The following IRF2BPL variants were observed in gnomAD, a reference collection of about 807,000 sequenced individuals.
IRF2BPL encodes the protein interferon regulatory factor 2 binding protein like.
A neutral mutation model predicts 51.2 loss-of-function variants in IRF2BPL; 13 were observed. That is an observed-to-expected ratio of 0.25 (90% confidence interval 0.17 to 0.40). The LOEUF is 0.40. Ranked by LOEUF, IRF2BPL falls within the 10% of genes least tolerant of loss-of-function variation. The probability of loss-of-function intolerance (pLI) is 1.00; values close to 1 mark genes in which losing one functional copy is unlikely to be tolerated. For missense variants in IRF2BPL, 1,210 were observed against 1,111.8 expected, an observed-to-expected ratio of 1.09 and a Z score of -1.26; for synonymous variants, 768 against 509.2, an observed-to-expected ratio of 1.51 and a Z score of -6.84.
At position 77,025,551 on chromosome 14, in the gene IRF2BPL, T is replaced by G; in HGVS notation, c.2242A>C (p.Lys748Gln). The G allele has an allele frequency of 6.2e-7, 1 of 1,613,686 alleles. No individual in the cohort carries two copies. The highest frequency in any genetic ancestry group is 8.5e-7 in the Non-Finnish European group (1 of 1,179,796). The change falls in exon 1 of 1, where the codon AAG (lysine) becomes CAG (glutamine). Residue 748 changes from lysine to glutamine, a missense_variant. Lys to Gln is a moderately conservative substitution (Grantham distance 53, BLOSUM62 1). Coordinates refer to ENST00000238647, the MANE Select transcript of IRF2BPL (RefSeq NM_024496.4). ...ACCTCGCCGGTGGCCCCCTGGGCCTTGATACTCTCTCTAGAGCAAGGGAAG... is the reference window on the plus strand; with the variant it reads ...ACCTCGCCGGTGGCCCCCTGGGCCTGGATACTCTCTCTAGAGCAAGGGAAG... ...FCFPCSRESIKAQGATGEVYC... is the reference protein window; with the variant it reads ...FCFPCSRESIQAQGATGEVYC...
In IRF2BPL at chr14:77,025,900, T is replaced by C. The variant is rs773789095; in HGVS notation, c.1893A>G (p.Ala631=). The C allele has an allele frequency of 3.1e-6, 5 of 1,611,652 alleles. No individual in the cohort carries two copies. The highest frequency in any genetic ancestry group is 2.2e-5 in the East Asian group (1 of 44,774). The part of the protein sequence containing the change: ...PSPMAALMSV[A]DTLGTAHSPK... ...GCGAGTGCGCTGTGCCCAGAGTATC[T>C]GCCACCGACATGAGAGCGGCCATAG... The change falls in exon 1 of 1, where the codon GCA becomes GCG. Residue 631 remains alanine (A), a synonymous_variant. Coordinates refer to ENST00000238647, the MANE Select transcript of IRF2BPL (RefSeq NM_024496.4).
At position 77,027,482 on chromosome 14, in the gene IRF2BPL, T is replaced by C. The variant is rs1380949275; in HGVS notation, c.311A>G (p.Gln104Arg). ...AAAAAAAAAQ[Q>R]QQQQQQQQQQ... ...CTGCTGCTGCTGCTGTTGCTGTTGCTGTTGCGCGGCGGCGGCGGCGGCCGC... is the reference window on the plus strand; with the variant it reads ...CTGCTGCTGCTGCTGTTGCTGTTGCCGTTGCGCGGCGGCGGCGGCGGCCGC... The change falls in exon 1 of 1, where the codon CAG becomes CGG. Residue 104 changes from glutamine (Q) to arginine (R), a missense_variant. Coordinates refer to ENST00000238647, the MANE Select transcript of IRF2BPL (RefSeq NM_024496.4). The C allele has an allele frequency of 7.5e-7, 1 of 1,329,818 alleles. No individual in the cohort carries two copies. Among genetic ancestry groups the C allele is most frequent in the Non-Finnish European group, 9.6e-7 (1 of 1,041,110 alleles). The allele number at this position is 1,329,818 out of a possible 1,614,324, so 82.4% of individuals were successfully genotyped here. A position where few individuals can be genotyped will look rare whatever the true frequency, so the allele number is the denominator to read the frequency against.
At position 77,027,900 on chromosome 14, in the gene IRF2BPL, G is replaced by GTCC; in HGVS notation, c.-109_-108insGGA. On this transcript the variant is annotated 5_prime_UTR_variant, in exon 1 of 1. Transcript: ENST00000238647. ...AGGGAGTCCGACTGCGGGGGAGGGAGGAGGGGGGGCGAGAAAGTTCTGCCC... is the reference window on the plus strand; with the variant it reads ...AGGGAGTCCGACTGCGGGGGAGGGAGTCCGAGGGGGGGCGAGAAAGTTCTGCCC... 7.6e-6 allele frequency: 10 copies of GTCC among 1,320,976 alleles called. No homozygotes were observed. The African/African-American group carries it at 1.4e-4, about 18-fold the overall frequency. 81.8% of individuals were successfully genotyped at this position (1,320,976 alleles called of 1,614,324 possible). A position where few individuals can be genotyped will look rare whatever the true frequency, so the allele number is the denominator to read the frequency against.
Position 77,025,781 on chromosome 14 carries a change from C to T in IRF2BPL, c.2012G>A (p.Arg671His). 1 of 1,608,088 alleles carries T rather than the reference C, an allele frequency of 6.2e-7. No homozygotes were observed. Among genetic ancestry groups the T allele is most frequent in the East Asian group, 2.2e-5 (1 of 44,794 alleles). The change falls in exon 1 of 1, where the codon CGC becomes CAC. Residue 671 changes from arginine to histidine, a missense_variant. Transcript: ENST00000238647. ...VSPASVPGQR[R>H]LASRNGDLNL... Reference sequence around the variant, plus strand: ...CAGGTCCCCGTTACGTGATGCCAAGCGGCGCTGCCCCGGCACGGAGGCCGG... The same window carrying T: ...CAGGTCCCCGTTACGTGATGCCAAGTGGCGCTGCCCCGGCACGGAGGCCGG...
chr14:77,025,906 C>T lies in IRF2BPL; in HGVS notation c.1887G>A (p.Ser629=). The change falls in exon 1 of 1, where the codon TCG becomes TCA. Residue 629 remains serine, a synonymous_variant. Transcript: ENST00000238647. ...NGPSPMAALM[S]VADTLGTAHS... The stretch of plus-strand genomic sequence containing the variant: ...GCGCTGTGCCCAGAGTATCTGCCAC[C>T]GACATGAGAGCGGCCATAGGGGACG... The T allele has an allele frequency of 6.2e-7, 1 of 1,611,756 alleles. No homozygotes were observed. Among genetic ancestry groups the T allele is most frequent in the Non-Finnish European group, 8.5e-7 (1 of 1,179,498 alleles).
Position 77,027,372 on chromosome 14 carries a change from C to T in IRF2BPL, c.421G>A (p.Ala141Thr), listed in dbSNP as rs866549109. The T allele has an allele frequency of 2.7e-6, 4 of 1,498,036 alleles. No individual in the cohort carries two copies. The highest frequency in any genetic ancestry group is 2.7e-6 in the Non-Finnish European group (3 of 1,126,310). 92.8% of individuals were successfully genotyped at this position (1,498,036 alleles called of 1,614,324 possible). Residue 141 changes from alanine to threonine, a missense_variant, in exon 1 of 1, where the codon GCG (alanine) becomes ACG (threonine). Ala to Thr is a moderately conservative substitution (Grantham distance 58). Transcript: ENST00000238647. Reference protein sequence around the residue: ...VDGSSKPAVLAAPSGLERYGL... With the variant: ...VDGSSKPAVLTAPSGLERYGL... ...TAGCGCTCCAGGCCAGACGGGGCCGCCAGCACCGCAGGCTTGCTGGAACCA... is the reference window on the plus strand; with the variant it reads ...TAGCGCTCCAGGCCAGACGGGGCCGTCAGCACCGCAGGCTTGCTGGAACCA...
At position 77,025,765 on chromosome 14, in the gene IRF2BPL, G is replaced by A. The variant is rs368330360; in HGVS notation, c.2028C>T (p.Asn676=). ...VPGQRRLASR[N]GDLNLQVAPP... is the part of the protein sequence containing the mutation. ...GCGCCACCTGTAAATTCAGGTCCCC[G>A]TTACGTGATGCCAAGCGGCGCTGCC... Residue 676 remains asparagine, a synonymous_variant, in exon 1 of 1, where the codon AAC becomes AAT. Transcript: ENST00000238647. The A allele has an allele frequency of 3.1e-6, 5 of 1,604,744 alleles. No individual in the cohort carries two copies. Among genetic ancestry groups the A allele is most frequent in the Non-Finnish European group, 3.4e-6 (4 of 1,175,284 alleles).
chr14:77,025,144 A>G lies in IRF2BPL; in HGVS notation c.*258T>C. 1 of 318,668 alleles carries G rather than the reference A, an allele frequency of 3.1e-6. No homozygotes were observed. The highest frequency in any genetic ancestry group is 5.0e-5 in the East Asian group (1 of 20,172). 19.7% of individuals were successfully genotyped at this position (318,668 alleles called of 1,614,324 possible). A position where few individuals can be genotyped will look rare whatever the true frequency, so the allele number is the denominator to read the frequency against. On this transcript the variant is annotated 3_prime_UTR_variant, in exon 1 of 1. Coordinates refer to ENST00000238647, the MANE Select transcript of IRF2BPL (RefSeq NM_024496.4). ...AATAAATGCTAACGATATGATGCAA[A>G]TGACCCAACCAATACTATACTGCTT...
At position 77,026,519 on chromosome 14, in the gene IRF2BPL, G is replaced by C. The variant is rs771176309; in HGVS notation, c.1274C>G (p.Thr425Arg). Residue 425 changes from threonine to arginine, a missense_variant, in exon 1 of 1, where the codon ACG (threonine) becomes AGG (arginine). Coordinates refer to ENST00000238647, the MANE Select transcript of IRF2BPL (RefSeq NM_024496.4). The stretch of plus-strand genomic sequence containing the variant: ...ACTGGAGTACACGTTGCCCGAGCCC[G>C]TGGGGTACTCAATGAACAGCTTCAA... ...YELKLFIEYP[T>R]GSGNVYSSAS... 6.2e-7 allele frequency: 1 copy of C among 1,613,694 alleles called. No individual in the cohort carries two copies. Among genetic ancestry groups the C allele is most frequent in the Non-Finnish European group, 8.5e-7 (1 of 1,180,006 alleles).
In IRF2BPL at chr14:77,026,277, T is replaced by C; in HGVS notation, c.1516A>G (p.Met506Val). ...PQPYLDASCP[M>V]LPTALVSLSR... Reference sequence around the variant, plus strand: ...AGACTCACCAGAGCAGTGGGCAGCATGGGACAGCTGGCGTCCAGGTAGGGC... The same window carrying C: ...AGACTCACCAGAGCAGTGGGCAGCACGGGACAGCTGGCGTCCAGGTAGGGC... The change falls in exon 1 of 1, where the codon ATG (methionine) becomes GTG (valine). Residue 506 changes from methionine (M) to valine (V), a missense_variant. Met to Val is a conservative substitution (Grantham distance 21, BLOSUM62 1). Coordinates refer to ENST00000238647, the MANE Select transcript of IRF2BPL (RefSeq NM_024496.4). 2 of 1,507,888 alleles carry C rather than the reference T, an allele frequency of 1.3e-6. No homozygotes were observed. The highest frequency in any genetic ancestry group is 1.8e-6 in the Non-Finnish European group (2 of 1,129,694). The allele number at this position is 1,507,888 out of a possible 1,614,324, so 93.4% of individuals were successfully genotyped here.
chr14:77,027,927 A>C lies in IRF2BPL; in HGVS notation c.-135T>G, dbSNP rs1885210065. ...AGGGGGGGCGAGAAAGTTCTGCCCC[A>C]GGGGCTGGAGGGAACGCGAGTCTCC... On this transcript the variant is annotated 5_prime_UTR_variant, in exon 1 of 1. Coordinates refer to ENST00000238647, the MANE Select transcript of IRF2BPL (RefSeq NM_024496.4). 1 of 1,100,440 alleles carries C rather than the reference A, an allele frequency of 9.1e-7. No individual in the cohort carries two copies. Among genetic ancestry groups the C allele is most frequent in the Admixed American group, 3.5e-5 (1 of 28,848 alleles). 68.2% of individuals were successfully genotyped at this position (1,100,440 alleles called of 1,614,324 possible). A position where few individuals can be genotyped will look rare whatever the true frequency, so the allele number is the denominator to read the frequency against.
Position 77,027,270 on chromosome 14 carries a change from G to A in IRF2BPL, c.523C>T (p.Pro175Ser), listed in dbSNP as rs1885164483. 1.9e-6 allele frequency: 3 copies of A among 1,581,724 alleles called. No homozygotes were observed. Among genetic ancestry groups the A allele is most frequent in the Non-Finnish European group, 2.6e-6 (3 of 1,168,758 alleles). ...VEQRSRFEYP[P>S]PPVSLGSSSH... Reference sequence around the variant, plus strand: ...CTGCTTCCCAGGCTCACCGGCGGTGGCGGGTACTCGAAGCGGCTGCGCTGT... The same window carrying A: ...CTGCTTCCCAGGCTCACCGGCGGTGACGGGTACTCGAAGCGGCTGCGCTGT... The change falls in exon 1 of 1, where the codon CCA becomes TCA. Residue 175 changes from proline (P) to serine (S), a missense_variant. Transcript: ENST00000238647.
rs1366892292 is a variant in IRF2BPL, at chr14:77,026,077, G to A, written c.1716C>T (p.Asn572=). ...TGGTGAGCTTCAGCGCCTCGCTCTG[G>A]TTCGCCATCCACTGCTGCCTCTGCT... ...EEQQRQQWMA[N]QSEALKLTMS... Residue 572 remains asparagine (N), a synonymous_variant, in exon 1 of 1, where the codon AAC becomes AAT. Coordinates refer to ENST00000238647, the MANE Select transcript of IRF2BPL (RefSeq NM_024496.4). The A allele has an allele frequency of 8.9e-6, 14 of 1,569,602 alleles. No individual in the cohort carries two copies. In the Middle Eastern group the frequency reaches 5.0e-4, roughly 56 times the overall value.
chr14:77,027,427 C>CTGCTGCTGCTGCTGT lies in IRF2BPL; in HGVS notation c.365_366insACAGCAGCAGCAGCA (p.Gln123_Gln127dup). ...CGTGGTTGAGCTGTTGTTGCTGCTG[C>CTGCTGCTGCTGCTGT]TGCTGCTGCTGCTGCTGCTGCTGTT... On this transcript the variant is annotated inframe_insertion, in exon 1 of 1. Coordinates refer to ENST00000238647, the MANE Select transcript of IRF2BPL (RefSeq NM_024496.4). 2.1e-6 allele frequency: 2 copies of CTGCTGCTGCTGCTGT among 951,930 alleles called. No homozygotes were observed. The highest frequency in any genetic ancestry group is 1.8e-5 in the South Asian group (1 of 55,912). 59.0% of individuals were successfully genotyped at this position (951,930 alleles called of 1,614,324 possible). A position where few individuals can be genotyped will look rare whatever the true frequency, so the allele number is the denominator to read the frequency against.
rs754421095 is a variant in IRF2BPL, at chr14:77,026,563, C to T, written c.1230G>A (p.Lys410=). ...GRVFAFDAVS[K]PGMDYELKLF... is the part of the protein sequence containing the mutation. ...GCTTCAATTCGTAGTCCATGCCGGG[C>T]TTGGAGACGGCGTCGAAGGCGAAAA... The change falls in exon 1 of 1, where the codon AAG becomes AAA. Residue 410 remains lysine (K), a synonymous_variant. Transcript: ENST00000238647. 1.2e-6 allele frequency: 2 copies of T among 1,613,848 alleles called. No individual in the cohort carries two copies. Among genetic ancestry groups the T allele is most frequent in the South Asian group, 1.1e-5 (1 of 91,092 alleles).
At position 77,025,879 on chromosome 14, in the gene IRF2BPL, G is replaced by A. The variant is rs1566785590; in HGVS notation, c.1914C>T (p.His638=). The A allele has an allele frequency of 1.9e-6, 3 of 1,612,472 alleles. No homozygotes were observed. The highest frequency in any genetic ancestry group is 2.2e-5 in the South Asian group (2 of 91,040). Residue 638 remains histidine (H), a synonymous_variant, in exon 1 of 1, where the codon CAC becomes CAT. Coordinates refer to ENST00000238647, the MANE Select transcript of IRF2BPL (RefSeq NM_024496.4). ...GCACGGAACTGCCATCCTTGGGCGA[G>A]TGCGCTGTGCCCAGAGTATCTGCCA... is the stretch of plus-strand genomic sequence containing the variant. ...MSVADTLGTA[H]SPKDGSSVHS... is the part of the protein sequence containing the mutation.
Position 77,026,180 on chromosome 14 carries a change from G to A in IRF2BPL, c.1613C>T (p.Ala538Val), listed in dbSNP as rs770512590. The A allele has an allele frequency of 1.5e-5, 21 of 1,418,784 alleles. No homozygotes were observed. Among genetic ancestry groups the A allele is most frequent in the East Asian group, 2.9e-5 (1 of 34,780 alleles). 87.9% of individuals were successfully genotyped at this position (1,418,784 alleles called of 1,614,324 possible). A position where few individuals can be genotyped will look rare whatever the true frequency, so the allele number is the denominator to read the frequency against. ...PPAAPSGRGAAASLRKRKASP... is the reference protein window; with the variant it reads ...PPAAPSGRGAVASLRKRKASP... ...GGCCTTTCTCTTGCGCAGGCTGGCG[G>A]CTGCGCCCCGGCCCGACGGCGCGGC... Residue 538 changes from alanine (A) to valine (V), a missense_variant, in exon 1 of 1, where the codon GCC (alanine) becomes GTC (valine). Ala to Val is a moderately conservative substitution (Grantham distance 64). Coordinates refer to ENST00000238647, the MANE Select transcript of IRF2BPL (RefSeq NM_024496.4).
Position 77,027,168 on chromosome 14 carries a change from G to C in IRF2BPL, c.625C>G (p.Pro209Ala). Residue 209 changes from proline (P) to alanine (A), a missense_variant, in exon 1 of 1, where the codon CCA becomes GCA. By Grantham distance (27) the Pro-to-Ala change is conservative (BLOSUM62 -1). Coordinates refer to ENST00000238647, the MANE Select transcript of IRF2BPL (RefSeq NM_024496.4). ...FPKPTPEEGP[P>A]ELNRQSPNSS... ...TTGGGGCTCTGACGGTTCAGCTCTG[G>C]GGGTCCCTCCTCTGGTGTTGGTTTG... 6.2e-7 allele frequency: 1 copy of C among 1,613,054 alleles called. No homozygotes were observed. The highest frequency in any genetic ancestry group is 8.5e-7 in the Non-Finnish European group (1 of 1,179,610).
chr14:77,025,730 G>A lies in IRF2BPL; in HGVS notation c.2063C>T (p.Pro688Leu). 1.3e-6 allele frequency: 2 copies of A among 1,579,438 alleles called. No homozygotes were observed. The highest frequency in any genetic ancestry group is 2.2e-5 in the East Asian group (1 of 44,632). ...DLNLQVAPPPPSAHPGMDQVH... is the reference protein window; with the variant it reads ...DLNLQVAPPPLSAHPGMDQVH... ...TTGGTCCATGCCCGGGTGGGCGCTA[G>A]GCGGCGGGGGCGCCACCTGTAAATT... Residue 688 changes from proline (P) to leucine (L), a missense_variant, in exon 1 of 1, where the codon CCT (proline) becomes CTT (leucine). By Grantham distance (98) the Pro-to-Leu change is moderately conservative. Coordinates refer to ENST00000238647, the MANE Select transcript of IRF2BPL (RefSeq NM_024496.4).
Sources: allele counts gnomAD v4.1 joint callset, GRCh38; gene constraint gnomAD v4.1.1; transcripts MANE v1.5; gene names NCBI Gene and HGNC (gene_info 2026-07-23, HGNC 2026-07-21).